Variants in PHYKPL observed in about 807,000 individuals in gnomAD.
The protein encoded by PHYKPL is 5-phosphonooxy-L-lysine phospho-lyase.
PHYKPL carries 42 observed loss-of-function variants against 51.3 expected under a neutral mutation model. That is an observed-to-expected ratio of 0.82 (90% CI 0.64 to 1.06). The LOEUF (loss-of-function observed/expected upper bound fraction) is 1.06. Ranked by LOEUF, PHYKPL falls within the 50% of genes least tolerant of loss-of-function variation. PHYKPL has a pLI of 0.00. For missense variants in PHYKPL, 655 were observed against 586.6 expected (o/e 1.12, Z -1.20); for synonymous variants, 264 against 236.0 (o/e 1.12, Z -1.09).
rs1203924579 is a variant in PHYKPL, at chr5:178,232,598, C to T, written c.-48G>A. 2 of 1,248,300 alleles carry T rather than the reference C, an allele frequency of 1.6e-6. No individual in the cohort carries two copies. Among genetic ancestry groups the T allele is most frequent in the Non-Finnish European group, 2.0e-6 (2 of 997,648 alleles). 77.3% of individuals were successfully genotyped at this position (1,248,300 alleles called of 1,614,324 possible). On this transcript the variant is annotated 5_prime_UTR_variant, in exon 1 of 13. Transcript: ENST00000308158. ...CCGTGACGCCACGCGGAGACGTCGC[C>T]GCGCGGGCTGGGCCTCCAAGGCCCC... is the stretch of plus-strand genomic sequence containing the variant.
chr5:178,228,264 A>G, intron 3 of PHYKPL: 1 of 465,540 alleles, frequency 2.1e-6, no homozygotes, highest in African/African-American at 2.0e-5. Context: ...GAATCAGCAA[A>G]GAAGACAGGG....
chr5:178,214,935 G>A (rs763682151), intron 9 of PHYKPL, 50 bp from the exon 10 acceptor site: 12 of 1,557,394 alleles, frequency 7.7e-6, no homozygotes, highest in Non-Finnish European at 1.1e-5. Flanking sequence ...GAGGGGCCAG[G>A]GTGCTGGCCT....
chr5:178,223,615 C>G (rs1412354695), intron 6 of PHYKPL: 1 of 383,212 alleles, frequency 2.6e-6, no homozygotes, highest in Admixed American at 2.9e-5. Context: ...TAGAAGTGGT[C>G]GCAGAGCACC....
chr5:178,228,785 G>A (rs1762793418), intron 3 of PHYKPL, among the ~76,000 whole-genome samples: 1 of 152,180 alleles, frequency 6.6e-6, no homozygotes, highest in Non-Finnish European at 1.5e-5. Flanking sequence ...GAGCTACCAT[G>A]ACCTTTCACC....
rs1482068365 is a variant in PHYKPL at position 178,222,576 on chromosome 5, T to A, written c.706A>T (p.Ile236Phe). The A allele has an allele frequency of 6.2e-7, 1 of 1,613,930 alleles. No individual in the cohort carries two copies. Among genetic ancestry groups the A allele is most frequent in the African/African-American group, 1.3e-5 (1 of 74,902 alleles). The change falls in exon 8 of 13, where the codon ATC becomes TTC. Residue 236 changes from isoleucine (I) to phenylalanine (F), a missense_variant. By Grantham distance (21) the Ile-to-Phe change is conservative. Transcript: ENST00000308158. Reference sequence around the variant, plus strand: ...ACAAAGACCCCTCCGGCCTTGCGGATGTGCCTGTGGCAGAGGAGATGACTG... The same window carrying A: ...ACAAAGACCCCTCCGGCCTTGCGGAAGTGCCTGTGGCAGAGGAGATGACTG... ...AGYFSQVAEH[I>F]RKAGGVFVAD... is the part of the protein sequence containing the mutation.
intron 6 of PHYKPL, 133 bp from the exon 7 acceptor site, chr5:178,223,067 G>T: frequency 1.2e-6 from 1 of 826,866 alleles, no homozygotes; most frequent in Non-Finnish European, 2.0e-6. Flanking sequence ...TGGGTTCCAT[G>T]TTACATCTGA....
intron 8 of PHYKPL, among the ~76,000 whole-genome samples, chr5:178,221,935 A>C: frequency 6.6e-6 from 1 of 152,160 alleles, no homozygotes; most frequent in Middle Eastern, 3.2e-3. Flanking sequence ...CACTCAGGGA[A>C]AGCTCTTGAC....
In PHYKPL at chr5:178,232,742, C is replaced by A; in HGVS notation, c.-192G>T. 1 of 556,814 alleles carries A rather than the reference C, an allele frequency of 1.8e-6. No homozygotes were observed. Among genetic ancestry groups the A allele is most frequent in the Non-Finnish European group, 2.6e-6 (1 of 380,278 alleles). 34.5% of individuals were successfully genotyped at this position (556,814 alleles called of 1,614,324 possible). A position where few individuals can be genotyped will look rare whatever the true frequency, so the allele number is the denominator to read the frequency against. On this transcript the variant is annotated 5_prime_UTR_variant, in exon 1 of 13. Coordinates refer to ENST00000308158, the MANE Select transcript of PHYKPL (RefSeq NM_153373.4). The stretch of plus-strand genomic sequence containing the variant: ...TTCGCTTGCCCACTGGGCCTGGCAG[C>A]CTTCCGGCCCGTGGTCGTGCCTTGG...
intron 3 of PHYKPL, chr5:178,228,604 T>C (rs1008204521): frequency 6.0e-5 from 42 of 702,476 alleles, no homozygotes; most frequent in Middle Eastern, 2.3e-4. Context: ...AAAATGAAGA[T>C]GGTGAATTCC....
At chr5:178,231,989 G>GCGACCTCACCCACC in intron 1 of PHYKPL, 1 of 1,209,636 alleles carries the variant, frequency 8.3e-7, no homozygotes, top group East Asian at 5.7e-5. Context: ...CCAGTGGGAG[G>GCGACCTCACCCACC]CGACCTCACC....
chr5:178,231,881 G>A (rs1271940808), intron 1 of PHYKPL: 1 of 1,326,418 alleles, frequency 7.5e-7, no homozygotes, highest in African/African-American at 1.5e-5. Flanking sequence ...GATGGGATGG[G>A]CCAGGGCACC....
chr5:178,230,922 CTTTT>C (rs55982808), intron 2 of PHYKPL: 9 of 145,166 alleles, frequency 6.2e-5, no homozygotes, highest in South Asian at 4.4e-4. Context: ...AGAGTCTCTG[CTTTT>C]TTTTTTTTTT....
intron 2 of PHYKPL, 46 bp downstream of exon 2, chr5:178,231,359 C>T: frequency 6.2e-7 from 1 of 1,613,694 alleles, no homozygotes; most frequent in Non-Finnish European, 8.5e-7. Flanking sequence ...AGGTTCACAG[C>T]ACTGCCTTCC....
chr5:178,228,223 G>A (rs924251876), intron 3 of PHYKPL: 8 of 350,328 alleles, frequency 2.3e-5, no homozygotes, highest in Non-Finnish European at 4.2e-5. Context: ...AGAGAAAAGT[G>A]GCCCAGGATC....
intron 12 of PHYKPL, 105 bp from the exon 13 acceptor site, chr5:178,209,020 C>T (rs892527438): frequency 1.2e-5 from 4 of 321,386 alleles, no homozygotes; most frequent in African/African-American, 8.5e-5. Context: ...GTGCCTGGTC[C>T]CAGCCTGTCC....
At chr5:178,225,626 G>A (rs577619282) in intron 3 of PHYKPL, 197 bp from the exon 4 acceptor site, 2 of 596,626 alleles carry the variant, frequency 3.4e-6, no homozygotes, top group African/African-American at 1.9e-5. Context: ...AGGTAAAACA[G>A]ACATGGCCTT....
At chr5:178,211,112 C>T (rs1758203928) in intron 12 of PHYKPL, 1 of 158,838 alleles carries the variant, frequency 6.3e-6, no homozygotes, top group Non-Finnish European at 1.4e-5. Context: ...TTTGCCACAA[C>T]CTGGATATTG....
intron 8 of PHYKPL, chr5:178,215,631 G>T (rs1282812667): frequency 6.8e-6 from 4 of 585,988 alleles, no homozygotes; most frequent in Non-Finnish European, 1.2e-5. Flanking sequence ...GAGCTAATGT[G>T]ACTGCAACTC....
intron 8 of PHYKPL, among the ~76,000 whole-genome samples, chr5:178,222,126 A>G (rs1366088629): frequency 2.6e-5 from 4 of 152,224 alleles, no homozygotes; most frequent in African/African-American, 7.2e-5. Flanking sequence ...ATTTTTGTAT[A>G]TATTTTATAA....
Sources: gnomAD v4.1 joint callset for allele counts (sites outside exome capture counted in the v4.1 genomes callset) on GRCh38, gnomAD v4.1.1 for gene constraint, MANE v1.5 for transcripts, NCBI Gene and HGNC (gene_info 2026-07-23, HGNC 2026-07-21) for gene names.